The following CYRIB variants were observed in gnomAD, a reference collection of about 807,000 sequenced individuals.
CYRIB encodes CYFIP-related Rac1 interactor B.
A neutral mutation model predicts 44.2 loss-of-function variants in CYRIB; 8 were observed. The ratio of observed to expected loss-of-function variants is 0.18; its 90% CI spans 0.11 to 0.33. The LOEUF (loss-of-function observed/expected upper bound fraction) is 0.33. Ranked by LOEUF, CYRIB falls within the 10% of genes least tolerant of loss-of-function variation. CYRIB has a pLI of 1.00. For synonymous variants in CYRIB, 131 were observed against 127.2 expected, an observed-to-expected ratio of 1.03 and a Z score of -0.20; for missense variants, 185 against 382.8, an observed-to-expected ratio of 0.48 and a Z score of 4.31.
chr8:129,851,049 C>T, intron 8 of CYRIB, 135 bp from the exon 11 acceptor site: 2 of 626,460 alleles, frequency 3.2e-6, no homozygotes, highest in South Asian at 3.8e-5. Context: ...CTAAATAATG[C>T]ACTAGACTCT....
chr8:129,929,603 C>A (rs2138101256), intron 1 of CYRIB, among the ~76,000 whole-genome samples: 1 of 152,198 alleles, frequency 6.6e-6, no homozygotes, highest in South Asian at 2.1e-4. Context: ...TTAGGTTTTT[C>A]TAGATGCCAA....
chr8:129,925,254 C>T (rs2086813134), intron 1 of CYRIB, among the ~76,000 whole-genome samples: 1 of 152,034 alleles, frequency 6.6e-6, no homozygotes, highest in Non-Finnish European at 1.5e-5. Context: ...AAAAATTAGC[C>T]GGGCATGGTG....
chr8:129,918,482 T>C lies in CYRIB; in HGVS notation c.-49-15132A>G, dbSNP rs575910184. Among the ~76,000 whole-genome samples, 26 of 152,326 alleles carry C rather than the reference T, an allele frequency of 1.7e-4. 1 individual carries two copies. Among genetic ancestry groups the C allele is most frequent in the African/African-American group, 5.8e-4 (24 of 41,576 alleles). On this transcript the variant is annotated intron_variant, in intron 1 of 11. Coordinates refer to ENST00000519824, the Ensembl canonical transcript of CYRIB. ...AAATAATACTTGCATATATAAAAAG[T>C]AACGAATTCATAATAATTCTGTCAA...
exon 10 of CYRIB, chr8:129,849,276 T>C: frequency 6.2e-7 from 1 of 1,606,828 alleles, no homozygotes. Flanking sequence ...ATGCTCCCAC[T>C]GGATGTACGT....
rs551571131 is a variant in CYRIB, at chr8:129,922,802, G to T, written c.-50+16806C>A. 4.5e-4 allele frequency among the ~76,000 whole-genome samples: 69 copies of T among 151,788 alleles called. No homozygotes were observed. The South Asian group carries it at 1.0e-2, about 22-fold the overall frequency. On this transcript the variant is annotated intron_variant, in intron 1 of 11. Coordinates refer to ENST00000519824, the Ensembl canonical transcript of CYRIB. ...GGCATGAACCTGGGAGGCGGAGTTT[G>T]CAGTGAGCCGAGATCGCACCACTGC...
At chr8:129,995,421 A>G (rs2096742730) in intron 1 of CYRIB, among the ~76,000 whole-genome samples, 1 of 152,224 alleles carries the variant, frequency 6.6e-6, no homozygotes. Context: ...TTCCAGAAAC[A>G]TCCCTCTTCC....
chr8:129,985,341 A>C (rs947671260), intron 1 of CYRIB, among the ~76,000 whole-genome samples: 2 of 152,112 alleles, frequency 1.3e-5, no homozygotes, highest in African/African-American at 4.8e-5. Context: ...CGGCCTCTCC[A>C]CGCTCCATCC....
At chr8:129,848,787 G>A (rs2041769317) in intron 10 of CYRIB, among the ~76,000 whole-genome samples, 1 of 151,424 alleles carries the variant, frequency 6.6e-6, no homozygotes, top group Non-Finnish European at 1.5e-5. Flanking sequence ...GCCCAGGCTG[G>A]TCTTCTACTC....
intron 1 of CYRIB, among the ~76,000 whole-genome samples, chr8:129,935,560 T>C (rs1456960920): frequency 1.3e-5 from 2 of 152,164 alleles, no homozygotes; most frequent in South Asian, 4.1e-4. Context: ...TGTGGTGCAG[T>C]CCAGTTCCAA....
chr8:129,957,427 G>A (rs900254682), intron 2 of CYRIB, among the ~76,000 whole-genome samples: 5 of 152,184 alleles, frequency 3.3e-5, no homozygotes, highest in African/African-American at 4.8e-5. Context: ...AGTTAAATCA[G>A]TTATCATCAG....
chr8:129,859,432 C>T (rs1185287825), intron 5 of CYRIB, among the ~76,000 whole-genome samples: 1 of 152,076 alleles, frequency 6.6e-6, no homozygotes, highest in Non-Finnish European at 1.5e-5. Context: ...AGGCCCTCCA[C>T]AGGAGGTGGA....
intron 2 of CYRIB, among the ~76,000 whole-genome samples, chr8:129,953,319 A>G (rs1462828651): frequency 4.6e-5 from 7 of 152,180 alleles, no homozygotes; most frequent in Non-Finnish European, 1.5e-5. Context: ...ATCCAATAAC[A>G]GGGACCCTAG....
At chr8:129,917,674 T>C (rs2081427009) in intron 1 of CYRIB, among the ~76,000 whole-genome samples, 1 of 152,032 alleles carries the variant, frequency 6.6e-6, no homozygotes, top group Admixed American at 6.6e-5. Flanking sequence ...CTGACCAACA[T>C]GGTGAAACCC....
intron 4 of CYRIB, 118 bp from the exon 7 acceptor site, chr8:129,862,452 A>C: frequency 1.2e-6 from 1 of 804,066 alleles, no homozygotes; most frequent in Non-Finnish European, 2.0e-6. Flanking sequence ...TAAAATATAG[A>C]ATATTGAATC....
chr8:129,994,914 T>G, intron 1 of CYRIB, among the ~76,000 whole-genome samples: 1 of 152,228 alleles, frequency 6.6e-6, no homozygotes, highest in Non-Finnish European at 1.5e-5. Flanking sequence ...AACCTCTTCC[T>G]GCCCCTGCAT....
At chr8:129,925,788 C>T (rs996634861) in intron 1 of CYRIB, among the ~76,000 whole-genome samples, 2 of 152,210 alleles carry the variant, frequency 1.3e-5, no homozygotes, top group African/African-American at 4.8e-5. Context: ...AGGAGTTACA[C>T]ATTAAGTTCC....
upstream of CYRIB, chr8:130,016,505 C>T: frequency 6.4e-6 from 1 of 156,944 alleles, no homozygotes; most frequent in Non-Finnish European, 1.4e-5. Flanking sequence ...GCCCCCGCCG[C>T]GGCGGCAGCA....
intron 5 of CYRIB, 66 bp downstream of exon 7, chr8:129,862,163 A>G (rs538127347): frequency 3.3e-6 from 4 of 1,216,268 alleles, no homozygotes; most frequent in East Asian, 2.3e-5. Context: ...AAAAAACTCT[A>G]AACTTCTGGA....
chr8:129,977,334 C>T (rs1291801109), intron 1 of CYRIB, among the ~76,000 whole-genome samples: 1 of 152,178 alleles, frequency 6.6e-6, no homozygotes, highest in Non-Finnish European at 1.5e-5. Flanking sequence ...ATGAACTCTG[C>T]TATGCTTCAG....
Sources: allele counts gnomAD v4.1 joint callset (sites outside exome capture counted in the v4.1 genomes callset), GRCh38; gene constraint gnomAD v4.1.1; transcripts MANE v1.5; gene names NCBI Gene and HGNC (gene_info 2026-07-23, HGNC 2026-07-21).